The following SLC25A32 variants were observed in gnomAD, a reference collection of about 807,000 sequenced individuals.
SLC25A32 encodes solute carrier family 25 member 32, also known as Glycine auxotroph B, complementation of hamster.
SLC25A32 carries 32 observed loss-of-function variants against 39.0 expected under a neutral mutation model. That is an observed-to-expected ratio of 0.82 (90% confidence interval 0.62 to 1.10). SLC25A32 has a LOEUF of 1.10. Among genes scored for constraint, SLC25A32 ranks in the 50% least tolerant of loss-of-function variants. The probability of loss-of-function intolerance (pLI) is 0.00; values close to 1 mark genes in which losing one functional copy is unlikely to be tolerated. For synonymous variants in SLC25A32, 166 were observed against 152.4 expected (o/e 1.09, Z -0.66); for missense variants, 367 against 395.3 (o/e 0.93, Z 0.61).
Position 103,414,765 on chromosome 8 carries a change from T to A in SLC25A32, c.154+19A>T. On this transcript the variant is annotated intron_variant, in intron 1 of 6. Transcript: ENST00000297578. ...CTGACAGTGAGAGGATGCAGCCCGG[T>A]GTCTGGGCGGGCTCTTACCGGCGAA... The A allele has an allele frequency of 6.2e-7, 1 of 1,613,210 alleles. No individual in the cohort carries two copies. Among genetic ancestry groups the A allele is most frequent in the Non-Finnish European group, 8.5e-7 (1 of 1,179,782 alleles).
intron 1 of SLC25A32, among the ~76,000 whole-genome samples, chr8:103,410,359 C>A (rs967981860): frequency 2.0e-5 from 3 of 152,208 alleles, no homozygotes; most frequent in Admixed American, 6.5e-5. Context: ...GAAGCTTCAT[C>A]TGTACTTACA....
At chr8:103,402,076 A>G in intron 4 of SLC25A32, 22 bp from the exon 5 acceptor site, 2 of 1,510,700 alleles carry the variant, frequency 1.3e-6, no homozygotes, top group South Asian at 2.4e-5. Context: ...TGATTTTTAA[A>G]AAGCAAAACA....
intron 1 of SLC25A32, among the ~76,000 whole-genome samples, chr8:103,410,180 C>A (rs1171527285): frequency 1.3e-5 from 2 of 152,078 alleles, no homozygotes; most frequent in Non-Finnish European, 2.9e-5. Context: ...AGGTATAAAC[C>A]AATGCTGAAC....
At chr8:103,406,120 TATACATAC>T (rs1162127474) in intron 2 of SLC25A32, among the ~76,000 whole-genome samples, 1 of 151,630 alleles carries the variant, frequency 6.6e-6, no homozygotes, top group African/African-American at 2.4e-5. Context: ...TATATACATA[TATACATAC>T]ATTCTATACA....
chr8:103,402,113 A>C, intron 4 of SLC25A32, 59 bp from the exon 5 acceptor site: 1 of 1,104,732 alleles, frequency 9.1e-7, no homozygotes, highest in Non-Finnish European at 1.3e-6. Context: ...CAATATATTT[A>C]AGTAAAATAC....
chr8:103,403,435 A>G (rs1586111747), intron 3 of SLC25A32, 111 bp from the exon 4 acceptor site: 2 of 654,234 alleles, frequency 3.1e-6, no homozygotes, highest in African/African-American at 1.8e-5. Flanking sequence ...AAAAAAGATA[A>G]TGCACAGGAC....
chr8:103,414,566 C>T (rs1816545353), intron 1 of SLC25A32: 3 of 624,934 alleles, frequency 4.8e-6, no homozygotes, highest in Non-Finnish European at 8.3e-6. Context: ...TCAGACTTCT[C>T]TACATACATG....
chr8:103,399,082 T>C lies in SLC25A32; in HGVS notation c.*1329A>G, dbSNP rs572034849. On this transcript the variant is annotated 3_prime_UTR_variant, in exon 7 of 7. Transcript: ENST00000297578. ...CATCCTTTGGGTACAGGCCCTTTTA[T>C]ATTTATAGATGTCTACAATGACTCA... 6.6e-6 allele frequency: 1 copy of C among 152,238 alleles called. No individual in the cohort carries two copies. The highest frequency in any genetic ancestry group is 2.4e-5 in the African/African-American group (1 of 41,466). The allele number at this position is 152,238 out of a possible 1,614,324, so 9.4% of individuals were successfully genotyped here. A position where few individuals can be genotyped will look rare whatever the true frequency, so the allele number is the denominator to read the frequency against.
chr8:103,403,149 T>C lies in SLC25A32; in HGVS notation c.552+15A>G, dbSNP rs746194476. 2.3e-5 allele frequency: 35 copies of C among 1,533,792 alleles called. No homozygotes were observed. The highest frequency in any genetic ancestry group is 3.1e-5 in the Non-Finnish European group (35 of 1,128,408). ...AAATTTTTCAGTTATTTAAAATATA[T>C]TGATAATTTGTTACCTTATATAATC... On this transcript the variant is annotated intron_variant, in intron 4 of 6. Transcript: ENST00000297578.
intron 2 of SLC25A32, among the ~76,000 whole-genome samples, chr8:103,406,496 T>C (rs1053271598): frequency 6.6e-6 from 1 of 152,270 alleles, no homozygotes; most frequent in African/African-American, 2.4e-5. Flanking sequence ...GTGTCCATGT[T>C]CTTGTTCACT....
chr8:103,407,910 G>GA, intron 1 of SLC25A32, 126 bp from the exon 2 acceptor site: 1 of 365,210 alleles, frequency 2.7e-6, no homozygotes. Context: ...TTTTTAGGTA[G>GA]AAAAAATTAT....
chr8:103,414,579 C>T, intron 1 of SLC25A32: 1 of 653,434 alleles, frequency 1.5e-6, no homozygotes, highest in Non-Finnish European at 2.6e-6. Flanking sequence ...CATACATGCC[C>T]CCTCTCTTAG....
chr8:103,413,531 C>G (rs1258533516), intron 1 of SLC25A32, among the ~76,000 whole-genome samples: 1 of 152,140 alleles, frequency 6.6e-6, no homozygotes, highest in Non-Finnish European at 1.5e-5. Context: ...CAGGATTGTT[C>G]CTGTGAATAG....
intron 1 of SLC25A32, among the ~76,000 whole-genome samples, chr8:103,414,179 T>C (rs1286254781): frequency 6.6e-6 from 1 of 152,252 alleles, no homozygotes; most frequent in Non-Finnish European, 1.5e-5. Flanking sequence ...TGAAACTCTT[T>C]CCAGACTTTA....
Position 103,415,054 on chromosome 8 carries a change from A to G in SLC25A32, c.-117T>C, listed in dbSNP as rs768382507. 15 of 1,598,024 alleles carry G rather than the reference A, an allele frequency of 9.4e-6. No individual in the cohort carries two copies. The highest frequency in any genetic ancestry group is 1.2e-5 in the Non-Finnish European group (14 of 1,172,946). On this transcript the variant is annotated 5_prime_UTR_variant, in exon 1 of 7. Transcript: ENST00000297578. ...GAGCGCAACCCCACCTCCGGGACCA[A>G]CGAGAGGACTCTTATGCCCAAGGCG... is the stretch of plus-strand genomic sequence containing the variant.
rs1816187534 is a variant in SLC25A32, at chr8:103,400,237, G to A, written c.*174C>T. ...AGCCAAGTTCCATATATATGGGGAAGGCAAAAAGCAAGAAAAACATTGCAG... is the reference window on the plus strand; with the variant it reads ...AGCCAAGTTCCATATATATGGGGAAAGCAAAAAGCAAGAAAAACATTGCAG... On this transcript the variant is annotated 3_prime_UTR_variant, in exon 7 of 7. Transcript: ENST00000297578. 8 of 545,492 alleles carry A rather than the reference G, an allele frequency of 1.5e-5. No homozygotes were observed. Among genetic ancestry groups the A allele is most frequent in the African/African-American group, 7.3e-5 (1 of 13,756 alleles). 33.8% of individuals were successfully genotyped at this position (545,492 alleles called of 1,614,324 possible). A position where few individuals can be genotyped will look rare whatever the true frequency, so the allele number is the denominator to read the frequency against.
intron 3 of SLC25A32, 52 bp downstream of exon 3, chr8:103,404,724 C>T: frequency 7.3e-7 from 1 of 1,361,020 alleles, no homozygotes; most frequent in African/African-American, 1.4e-5. Context: ...AAAACCAAAA[C>T]TGAAAATTAA....
chr8:103,403,413 A>T, intron 3 of SLC25A32, 89 bp from the exon 4 acceptor site: 1 of 633,626 alleles, frequency 1.6e-6, no homozygotes. Context: ...TTTATGTAAA[A>T]AAAAAAAAAA....
rs576500830 is a variant in SLC25A32, at chr8:103,406,718, G to T, written c.305+916C>A. Among the ~76,000 whole-genome samples, 130 of 152,334 alleles carry T rather than the reference G, an allele frequency of 8.5e-4. 1 individual carries two copies. Among genetic ancestry groups the T allele is most frequent in the Non-Finnish European group, 1.7e-3 (113 of 68,038 alleles). ...TGGCTTTTGCTTTCTGTTCCCAACAGCGATTTCCTGTGGTACCTATTCATA... is the reference window on the plus strand; with the variant it reads ...TGGCTTTTGCTTTCTGTTCCCAACATCGATTTCCTGTGGTACCTATTCATA... On this transcript the variant is annotated intron_variant, in intron 2 of 6. Coordinates refer to ENST00000297578, the MANE Select transcript of SLC25A32 (RefSeq NM_030780.5).
Sources: gnomAD v4.1 joint callset for allele counts (sites outside exome capture counted in the v4.1 genomes callset) on GRCh38, gnomAD v4.1.1 for gene constraint, MANE v1.5 for transcripts, NCBI Gene and HGNC (gene_info 2026-07-23, HGNC 2026-07-21) for gene names.